Variants in USP7 observed in about 807,000 individuals in gnomAD.
The protein encoded by USP7 is ubiquitin specific peptidase 7.
USP7 carries 9 observed loss-of-function variants against 162.9 expected under a neutral mutation model. The ratio of observed to expected loss-of-function variants is 0.06; its 90% confidence interval spans 0.03 to 0.10. The LOEUF is 0.10. Among genes scored for constraint, USP7 ranks in the 10% least tolerant of loss-of-function variants. The probability of loss-of-function intolerance (pLI) is 1.00; values close to 1 mark genes in which losing one functional copy is unlikely to be tolerated. For synonymous variants in USP7, 562 were observed against 475.9 expected (o/e 1.18, Z -2.35); for missense variants, 715 against 1,373.7 (o/e 0.52, Z 7.58).
chr16:8,935,320 C>T (rs1340351804), intron 1 of USP7, among the ~76,000 whole-genome samples: 1 of 151,926 alleles, frequency 6.6e-6, no homozygotes, highest in African/African-American at 2.4e-5. Context: ...AGTGATTCTC[C>T]CACCTCAGCC....
chr16:8,902,886 G>GA lies in USP7; in HGVS notation c.1839+381dup, dbSNP rs1452924403. On this transcript the variant is annotated intron_variant, in intron 16 of 30. Transcript: ENST00000344836. Reference sequence around the variant, plus strand: ...AGTGAAACTCTGTCTCAAAAAAAAAGAAAAAAAGACTGTGATTCTAAGAAA... The same window carrying GA: ...AGTGAAACTCTGTCTCAAAAAAAAAGAAAAAAAAGACTGTGATTCTAAGAAA... Among the ~76,000 whole-genome samples the GA allele has an allele frequency of 3.3e-5, 5 of 151,422 alleles. No homozygotes were observed. The East Asian group carries it at 7.7e-4, about 23-fold the overall frequency.
At chr16:8,945,045 AG>A (rs1443597819) in intron 1 of USP7, among the ~76,000 whole-genome samples, 1 of 152,228 alleles carries the variant, frequency 6.6e-6, no homozygotes, top group Non-Finnish European at 1.5e-5. Context: ...TGAGGTCAGG[AG>A]TTCAAGACCA....
At chr16:8,938,567 C>A (rs181099243) in intron 1 of USP7, among the ~76,000 whole-genome samples, 4 of 152,166 alleles carry the variant, frequency 2.6e-5, no homozygotes, top group Admixed American at 2.6e-4. Flanking sequence ...AAAAACTTAG[C>A]TGGGCACGGT....
chr16:8,902,990 A>AAGAGGGGGT (rs1460962425), intron 16 of USP7, among the ~76,000 whole-genome samples: 71 of 152,360 alleles, frequency 4.7e-4, no homozygotes, highest in African/African-American at 1.7e-3. Flanking sequence ...TACAAAAATA[A>AAGAGGGGGT]AGAGGGGGTA....
rs756155090 is a variant in USP7 at position 8,894,113 on chromosome 16, G to T, written c.3203-9C>A. 21 of 1,613,420 alleles carry T rather than the reference G, an allele frequency of 1.3e-5. No individual in the cohort carries two copies. Among genetic ancestry groups the T allele is most frequent in the Non-Finnish European group, 1.7e-5 (20 of 1,179,438 alleles). On this transcript the variant is annotated splice_polypyrimidine_tract_variant and intron_variant, in intron 30 of 30. Coordinates refer to ENST00000344836, the MANE Select transcript of USP7 (RefSeq NM_003470.3). Reference sequence around the variant, plus strand: ...AGGATGAGACATATTACCTGGTGGGGATGAAGAAAAGCAAGTGAGGCCACA... The same window carrying T: ...AGGATGAGACATATTACCTGGTGGGTATGAAGAAAAGCAAGTGAGGCCACA...
Position 8,959,711 on chromosome 16 carries a change from A to G in USP7, c.79+3496T>C, listed in dbSNP as rs80249909. On this transcript the variant is annotated intron_variant, in intron 1 of 30. Transcript: ENST00000344836. ...TTCTATTAGTTATAATCACAACAGC[A>G]CAAGTTTATCTGGCTGGGTGTGTTC... 2.4e-3 allele frequency among the ~76,000 whole-genome samples: 372 copies of G among 152,356 alleles called. 2 individuals are homozygous for G. The highest frequency in any genetic ancestry group is 7.5e-3 in the African/African-American group (313 of 41,590).
At chr16:8,897,270 G>C (rs1437742856) in intron 25 of USP7, 171 bp from the exon 26 acceptor site, 59 of 607,062 alleles carry the variant, frequency 9.7e-5, no homozygotes, top group Non-Finnish European at 1.6e-4. Context: ...CACTCACAGT[G>C]AGGACACTGG....
At chr16:8,954,945 C>T (rs953682848) in intron 1 of USP7, among the ~76,000 whole-genome samples, 5 of 152,056 alleles carry the variant, frequency 3.3e-5, no homozygotes, top group East Asian at 3.9e-4. Context: ...GACAACAGAG[C>T]GAGACTCCAT....
intron 1 of USP7, among the ~76,000 whole-genome samples, chr16:8,958,240 C>T (rs914742086): frequency 1.6e-4 from 24 of 152,248 alleles, no homozygotes; most frequent in African/African-American, 4.3e-4. Context: ...CAGGGAGAGG[C>T]GACTAGAAAG....
At chr16:8,960,397 T>C (rs542564897) in intron 1 of USP7, among the ~76,000 whole-genome samples, 2 of 152,302 alleles carry the variant, frequency 1.3e-5, no homozygotes, top group East Asian at 1.9e-4. Flanking sequence ...CCAATGAATA[T>C]ACAAGGACTG....
At chr16:8,899,034 A>T in intron 23 of USP7, 87 bp downstream of exon 23, 1 of 1,398,248 alleles carries the variant, frequency 7.2e-7, no homozygotes, top group Non-Finnish European at 1.0e-6. Context: ...ATGGCGAGCT[A>T]ATTATTAAAA....
chr16:8,906,435 C>A lies in USP7; in HGVS notation c.1419G>T (p.Gly473=). 4 of 1,611,272 alleles carry A rather than the reference C, an allele frequency of 2.5e-6. No homozygotes were observed. Among genetic ancestry groups the A allele is most frequent in the Non-Finnish European group, 3.4e-6 (4 of 1,179,598 alleles). Residue 473 remains glycine (G), a synonymous_variant, in exon 13 of 31, where the codon GGG becomes GGT. Transcript: ENST00000344836. The stretch of plus-strand genomic sequence containing the variant: ...GGGTCCCACCACTTACTTTGCCATC[C>A]CCTTTGGGGTTTAGATAAACCACAT... ...GHYVVYLNPK[G]DGKWCKFDDD...
At chr16:8,920,695 G>A (rs1171301768) in intron 4 of USP7, among the ~76,000 whole-genome samples, 1 of 152,192 alleles carries the variant, frequency 6.6e-6, no homozygotes, top group Non-Finnish European at 1.5e-5. Flanking sequence ...CCACAGCATG[G>A]ACAGGAGAAA....
chr16:8,907,238 A>T (rs1051718961), intron 12 of USP7, among the ~76,000 whole-genome samples: 1 of 152,240 alleles, frequency 6.6e-6, no homozygotes, highest in Non-Finnish European at 1.5e-5. Context: ...AATGTCTGCC[A>T]CTGGCTCCAA....
At chr16:8,962,240 C>T (rs2141271754) in intron 1 of USP7, among the ~76,000 whole-genome samples, 1 of 152,346 alleles carries the variant, frequency 6.6e-6, no homozygotes, top group South Asian at 2.1e-4. Flanking sequence ...CTCCATTTGA[C>T]TCCCGACAGC....
chr16:8,939,435 G>C (rs538451414), intron 1 of USP7, among the ~76,000 whole-genome samples: 1 of 152,334 alleles, frequency 6.6e-6, no homozygotes, highest in African/African-American at 2.4e-5. Context: ...TTCACTTGCT[G>C]ACATCTGGGT....
intron 1 of USP7, among the ~76,000 whole-genome samples, chr16:8,953,292 G>A (rs933118978): frequency 6.6e-6 from 1 of 152,070 alleles, no homozygotes; most frequent in South Asian, 2.1e-4. Context: ...CACTTTCTGA[G>A]GCAGTCCCAT....
intron 1 of USP7, among the ~76,000 whole-genome samples, chr16:8,931,829 C>A (rs1207788568): frequency 1.3e-5 from 2 of 152,084 alleles, no homozygotes; most frequent in African/African-American, 4.8e-5. Context: ...TTTGTTTTTC[C>A]CCATATTAGA....
At chr16:8,924,082 A>C (rs1245252663) in intron 2 of USP7, among the ~76,000 whole-genome samples, 4 of 152,182 alleles carry the variant, frequency 2.6e-5, no homozygotes, top group Admixed American at 2.6e-4. Context: ...CCAAAGGCTG[A>C]TTTAAGATAT....
Sources: gnomAD v4.1 joint callset for allele counts (sites outside exome capture counted in the v4.1 genomes callset) on GRCh38, gnomAD v4.1.1 for gene constraint, MANE v1.5 for transcripts, NCBI Gene and HGNC (gene_info 2026-07-23, HGNC 2026-07-21) for gene names.